Variants in CLEC4G observed in about 807,000 individuals in gnomAD.
CLEC4G encodes the protein C-type lectin domain family 4 member G.
In CLEC4G, 34 loss-of-function variants were observed where a neutral mutation model predicts 37.0. The observed-to-expected ratio is 0.92, with a 90% CI of 0.70 to 1.22. CLEC4G has a LOEUF of 1.22. Among genes scored for constraint, CLEC4G ranks in the 50% most tolerant of loss-of-function variants. The pLI is 0.00. For synonymous variants in CLEC4G, 167 were observed against 165.6 expected, an observed-to-expected ratio of 1.01 and a Z score of -0.06; for missense variants, 390 against 392.9, an observed-to-expected ratio of 0.99 and a Z score of 0.06.
In CLEC4G at chr19:7,731,308, G is replaced by C. The variant is rs764893486; in HGVS notation, c.178C>G (p.Arg60Gly). The C allele has an allele frequency of 6.3e-7, 1 of 1,577,738 alleles. No homozygotes were observed. Among genetic ancestry groups the C allele is most frequent in the Admixed American group, 1.8e-5 (1 of 55,300 alleles). ...SILLSKASTE[R>G]AALLDGHDLL... Reference sequence around the variant, plus strand: ...TCGTGGCCGTCAAGCAGCGCCGCGCGCTCCGTGGAGGCTGAGGAGAGAGGC... The same window carrying C: ...TCGTGGCCGTCAAGCAGCGCCGCGCCCTCCGTGGAGGCTGAGGAGAGAGGC... Residue 60 changes from arginine to glycine, a missense_variant, in exon 3 of 9, where the codon CGC becomes GGC. Transcript: ENST00000328853.
chr19:7,730,867 C>A lies in CLEC4G; in HGVS notation c.284-8G>T, dbSNP rs1366865307. 7 of 1,529,226 alleles carry A rather than the reference C, an allele frequency of 4.6e-6. No individual in the cohort carries two copies. The highest frequency in any genetic ancestry group is 4.4e-6 in the Non-Finnish European group (5 of 1,144,726). 94.7% of individuals were successfully genotyped at this position (1,529,226 alleles called of 1,614,324 possible). ...GCGCCTGCGTCCCCGAGCCTGGGAG[C>A]CGCAGGGTGAGAGGGGCGAGGGCGG... On this transcript the variant is annotated splice_region_variant and splice_polypyrimidine_tract_variant and intron_variant, in intron 4 of 8. Transcript: ENST00000328853. The surrounding 1 kb of genome is among the most constrained non-coding windows in gnomAD (Gnocchi z 7.3).
chr19:7,730,326 G>A lies in CLEC4G; in HGVS notation c.478+25C>T, dbSNP rs1298294678. On this transcript the variant is annotated intron_variant, in intron 6 of 8. Coordinates refer to ENST00000328853, the MANE Select transcript of CLEC4G (RefSeq NM_198492.4). The surrounding 1 kb of genome is among the most constrained non-coding windows in gnomAD (Gnocchi z 7.3). ...GGGTCCGCTTACGCCCTCACAGCCC[G>A]CCCCCGACCCCCCGTCTCGCTCACT... 9.4e-6 allele frequency: 15 copies of A among 1,587,994 alleles called. No homozygotes were observed. Among genetic ancestry groups the A allele is most frequent in the Non-Finnish European group, 1.3e-5 (15 of 1,170,856 alleles).
rs1321773479 is a variant in CLEC4G, at chr19:7,729,171, G to A, written c.*195C>T. ...GGGTCTGCGTGAGTGGAGTTAGGAT[G>A]AGGTCGGCATGGAGGTCCCAGAGCC... On this transcript the variant is annotated 3_prime_UTR_variant, in exon 9 of 9. Transcript: ENST00000328853. 1.4e-6 allele frequency: 1 copy of A among 691,876 alleles called. No individual in the cohort carries two copies. Among genetic ancestry groups the A allele is most frequent in the Non-Finnish European group, 2.6e-6 (1 of 378,118 alleles). 42.9% of individuals were successfully genotyped at this position (691,876 alleles called of 1,614,324 possible).
Position 7,731,791 on chromosome 19 carries a change from A to G in CLEC4G, c.56-20T>C, listed in dbSNP as rs2033438032. On this transcript the variant is annotated intron_variant, in intron 1 of 8. Transcript: ENST00000328853. ...AGGGCCCTGGCATAACAAGGACGGCATGCTGGGTCCCCCAGAACTGAGCCC... is the reference window on the plus strand; with the variant it reads ...AGGGCCCTGGCATAACAAGGACGGCGTGCTGGGTCCCCCAGAACTGAGCCC... The G allele has an allele frequency of 1.9e-6, 3 of 1,607,450 alleles. No homozygotes were observed. In the East Asian group the frequency reaches 6.7e-5, roughly 36 times the overall value.
rs761504151 is a variant in CLEC4G at position 7,731,303 on chromosome 19, C to G, written c.183G>C (p.Ala61=). Reference sequence around the variant, plus strand: ...GCAGGTCGTGGCCGTCAAGCAGCGCCGCGCGCTCCGTGGAGGCTGAGGAGA... The same window carrying G: ...GCAGGTCGTGGCCGTCAAGCAGCGCGGCGCGCTCCGTGGAGGCTGAGGAGA... ...ILLSKASTER[A]ALLDGHDLLR... Residue 61 remains alanine (A), a synonymous_variant, in exon 3 of 9, where the codon GCG becomes GCC. Coordinates refer to ENST00000328853, the MANE Select transcript of CLEC4G (RefSeq NM_198492.4). 102 of 1,579,966 alleles carry G rather than the reference C, an allele frequency of 6.5e-5. No individual in the cohort carries two copies. The highest frequency in any genetic ancestry group is 8.5e-5 in the Non-Finnish European group (99 of 1,167,784).
intron 3 of CLEC4G, 69 bp from the exon 4 acceptor site, chr19:7,731,157 C>T: frequency 2.5e-6 from 4 of 1,592,430 alleles, no homozygotes; most frequent in Non-Finnish European, 3.4e-6. Flanking sequence ...GACCCCCTTC[C>T]AGCCTCAGGG....
At position 7,730,314 on chromosome 19, in the gene CLEC4G, C is replaced by G; in HGVS notation, c.478+37G>C. On this transcript the variant is annotated intron_variant, in intron 6 of 8. Transcript: ENST00000328853. The surrounding 1 kb of genome is among the most constrained non-coding windows in gnomAD (Gnocchi z 7.3). ...CCAGGAGTGACAGGGTCCGCTTACG[C>G]CCTCACAGCCCGCCCCCGACCCCCC... The G allele has an allele frequency of 6.3e-7, 1 of 1,585,530 alleles. No individual in the cohort carries two copies. Among genetic ancestry groups the G allele is most frequent in the Non-Finnish European group, 8.5e-7 (1 of 1,170,138 alleles).
intron 3 of CLEC4G, 88 bp from the exon 4 acceptor site, chr19:7,731,176 G>A: frequency 6.3e-7 from 1 of 1,581,592 alleles, no homozygotes; most frequent in Non-Finnish European, 8.6e-7. Flanking sequence ...GGACCATAGG[G>A]CCCCCACGCA....
intron 2 of CLEC4G, 66 bp downstream of exon 2, chr19:7,731,595 A>C (rs762658616): frequency 5.1e-6 from 8 of 1,580,574 alleles, no homozygotes; most frequent in Non-Finnish European, 6.9e-6. Flanking sequence ...CTGGTGCGCC[A>C]TGCAGTGGGG....
At chr19:7,731,831 A>G in intron 1 of CLEC4G, 60 bp from the exon 2 acceptor site, 1 of 1,565,716 alleles carries the variant, frequency 6.4e-7, no homozygotes, top group Non-Finnish European at 8.6e-7. Context: ...GGCCTGAGTT[A>G]CTCCCAGGAA....
chr19:7,731,634 A>C (rs1483940099), intron 2 of CLEC4G, 27 bp downstream of exon 2: 1 of 1,610,914 alleles, frequency 6.2e-7, no homozygotes, highest in East Asian at 2.2e-5. Context: ...GGCCGGATGC[A>C]ACACCTCCCC....
At chr19:7,731,628 G>T in intron 2 of CLEC4G, 33 bp downstream of exon 2, 1 of 1,608,844 alleles carries the variant, frequency 6.2e-7, no homozygotes, top group Non-Finnish European at 8.5e-7. Flanking sequence ...CAGGGGGGCC[G>T]GATGCAACAC....
At chr19:7,729,567 G>T in intron 8 of CLEC4G, 63 bp from the exon 9 acceptor site, 1 of 1,346,494 alleles carries the variant, frequency 7.4e-7, no homozygotes. Flanking sequence ...TCGGGGTCCC[G>T]CCTTCCTCTT....
chr19:7,729,592 T>C, intron 8 of CLEC4G, 88 bp from the exon 9 acceptor site: 1 of 1,234,838 alleles, frequency 8.1e-7, no homozygotes, highest in Non-Finnish European at 1.1e-6. Context: ...CTCTAGCCTG[T>C]TTATTGCTTG....
At chr19:7,731,236 G>A (rs765058214) in intron 3 of CLEC4G, 30 bp downstream of exon 3, 15 of 1,580,630 alleles carry the variant, frequency 9.5e-6, no homozygotes, top group Non-Finnish European at 1.2e-5. Flanking sequence ...CTCACGCCCC[G>A]GGGGCCCAGG....
At chr19:7,731,625 G>A (rs762731761) in intron 2 of CLEC4G, 36 bp downstream of exon 2, 1 of 1,608,354 alleles carries the variant, frequency 6.2e-7, no homozygotes, top group East Asian at 2.2e-5. Context: ...CCCCAGGGGG[G>A]CCGGATGCAA....
At position 7,730,658 on chromosome 19, in the gene CLEC4G, G is replaced by C; in HGVS notation, c.388+97C>G. ...CAGAGTGCAGCGTCAGGGTCAGGAC[G>C]GGGTGCATGATCGGGGTCGGGGGTC... On this transcript the variant is annotated intron_variant, in intron 5 of 8. Coordinates refer to ENST00000328853, the MANE Select transcript of CLEC4G (RefSeq NM_198492.4). The surrounding 1 kb of genome is among the most constrained non-coding windows in gnomAD (Gnocchi z 7.3). 1.4e-6 allele frequency: 2 copies of C among 1,469,010 alleles called. No homozygotes were observed. The highest frequency in any genetic ancestry group is 1.8e-6 in the Non-Finnish European group (2 of 1,112,890). The allele number at this position is 1,469,010 out of a possible 1,614,324, so 91.0% of individuals were successfully genotyped here.
chr19:7,731,705 G>T lies in CLEC4G; in HGVS notation c.122C>A (p.Thr41Asn). The T allele has an allele frequency of 6.2e-7, 1 of 1,614,100 alleles. No individual in the cohort carries two copies. Among genetic ancestry groups the T allele is most frequent in the Non-Finnish European group, 8.5e-7 (1 of 1,179,994 alleles). Residue 41 changes from threonine (T) to asparagine (N), a missense_variant, in exon 2 of 9, where the codon ACC (threonine) becomes AAC (asparagine). Coordinates refer to ENST00000328853, the MANE Select transcript of CLEC4G (RefSeq NM_198492.4). ...CAGAATCACAGCCCAAAGGACTGTG[G>T]TGACCAGGACAGCCAGGGCCAAGAA... ...PLFLALAVLVTTVLWAVILSI... is the reference protein window; with the variant it reads ...PLFLALAVLVNTVLWAVILSI...
Position 7,730,601 on chromosome 19 carries a change from G to T in CLEC4G, c.388+154C>A, listed in dbSNP as rs112146621. The stretch of plus-strand genomic sequence containing the variant: ...GCGGTTACAACTGGGCAGGGTCCGG[G>T]TGTGGCCGGCGCTAGGAGTGGCAGT... On this transcript the variant is annotated intron_variant, in intron 5 of 8. Transcript: ENST00000328853. The surrounding 1 kb of genome is among the most constrained non-coding windows in gnomAD (Gnocchi z 7.3). Among the ~76,000 whole-genome samples, 1 of 152,172 alleles carries T rather than the reference G, an allele frequency of 6.6e-6. No individual in the cohort carries two copies. The highest frequency in any genetic ancestry group is 2.4e-5 in the African/African-American group (1 of 41,436).
Sources: allele counts gnomAD v4.1 joint callset (sites outside exome capture counted in the v4.1 genomes callset), GRCh38; gene constraint gnomAD v4.1.1; non-coding constraint Gnocchi (gnomAD v3.1); transcripts MANE v1.5; gene names NCBI Gene and HGNC (gene_info 2026-07-23, HGNC 2026-07-21).